The following CNTNAP2 variants were observed in gnomAD, a reference collection of about 807,000 sequenced individuals.
The protein encoded by CNTNAP2 is contactin-associated protein-like 2.
CNTNAP2 carries 98 observed loss-of-function variants against 155.2 expected under a neutral mutation model. The observed-to-expected ratio is 0.63, with a 90% CI of 0.54 to 0.75. The LOEUF is 0.75. Ranked by LOEUF, CNTNAP2 falls within the 30% of genes least tolerant of loss-of-function variation. CNTNAP2 has a pLI of 0.00. For synonymous variants in CNTNAP2, 651 were observed against 631.2 expected (o/e 1.03, Z -0.47); for missense variants, 1,727 against 1,688.1 (o/e 1.02, Z -0.40).
chr7:146,691,372 A>G (rs1047671930), intron 1 of CNTNAP2, among the ~76,000 whole-genome samples: 1 of 152,304 alleles, frequency 6.6e-6, no homozygotes, highest in African/African-American at 2.4e-5. Context: ...CCTAGCATGC[A>G]TCACAGCTTA....
chr7:148,250,146 G>A (rs774569797), intron 20 of CNTNAP2, among the ~76,000 whole-genome samples: 2 of 152,348 alleles, frequency 1.3e-5, no homozygotes, highest in Admixed American at 6.5e-5. Context: ...CTCTGCCTGA[G>A]TGTTCTTTCC....
intron 8 of CNTNAP2, among the ~76,000 whole-genome samples, chr7:147,136,118 C>CTAATTGTTAAT (rs1269902811): frequency 6.6e-6 from 1 of 151,630 alleles, no homozygotes; most frequent in Non-Finnish European, 1.5e-5. Flanking sequence ...GAACAATACT[C>CTAATTGTTAAT]AGTTGTCGTC....
At chr7:147,425,331 A>T (rs1203096328) in intron 10 of CNTNAP2, among the ~76,000 whole-genome samples, 4 of 151,528 alleles carry the variant, frequency 2.6e-5, no homozygotes, top group African/African-American at 9.7e-5. Flanking sequence ...AATAGAGAGG[A>T]TTTAAGTTGT....
chr7:146,925,498 C>T (rs755802185), intron 3 of CNTNAP2, among the ~76,000 whole-genome samples: 15 of 151,874 alleles, frequency 9.9e-5, no homozygotes, highest in African/African-American at 2.9e-4. Flanking sequence ...AATTTACCTA[C>T]GTTAAATTGA....
intron 4 of CNTNAP2, among the ~76,000 whole-genome samples, chr7:147,061,493 C>T (rs73467064): frequency 0.059 from 9,042 of 152,160 alleles, 696 homozygotes; most frequent in African/African-American, 0.18. Context: ...TAAGTCAATC[C>T]TGGTTTCATT....
intron 1 of CNTNAP2, among the ~76,000 whole-genome samples, chr7:146,245,275 C>A (rs1195395162): frequency 6.6e-6 from 1 of 152,054 alleles, no homozygotes; most frequent in Non-Finnish European, 1.5e-5. Context: ...AGATTGAAGT[C>A]CGGGCCAGGA....
intron 21 of CNTNAP2, among the ~76,000 whole-genome samples, chr7:148,317,479 T>G (rs1024338059): frequency 2.6e-5 from 4 of 152,160 alleles, no homozygotes; most frequent in African/African-American, 9.7e-5. Flanking sequence ...GGAGGGCTAC[T>G]TGAGGCCAGG....
At chr7:148,323,504 T>A (rs1797837371) in intron 21 of CNTNAP2, among the ~76,000 whole-genome samples, 1 of 151,954 alleles carries the variant, frequency 6.6e-6, no homozygotes, top group Non-Finnish European at 1.5e-5. Flanking sequence ...GTATAGAGTG[T>A]CTGGTTAATG....
intron 15 of CNTNAP2, among the ~76,000 whole-genome samples, chr7:148,031,839 G>A (rs1457903582): frequency 1.3e-5 from 2 of 152,118 alleles, no homozygotes; most frequent in African/African-American, 4.8e-5. Context: ...TACTGAGGAG[G>A]AGACTCAGTC....
At chr7:147,898,414 A>G (rs1799807372) in intron 13 of CNTNAP2, among the ~76,000 whole-genome samples, 1 of 152,190 alleles carries the variant, frequency 6.6e-6, no homozygotes, top group Non-Finnish European at 1.5e-5. Flanking sequence ...TGGTAACTTT[A>G]TGATTTTCCT....
intron 1 of CNTNAP2, among the ~76,000 whole-genome samples, chr7:146,216,959 C>T (rs913398405): frequency 2.0e-5 from 3 of 152,116 alleles, no homozygotes; most frequent in East Asian, 1.9e-4. Flanking sequence ...CTCATAAAAC[C>T]GGGTTATGCG....
At position 146,201,675 on chromosome 7, in the gene CNTNAP2, T is replaced by C. The variant is rs995617095; in HGVS notation, c.97+84702T>C. On this transcript the variant is annotated intron_variant, in intron 1 of 23. Coordinates refer to ENST00000361727, the MANE Select transcript of CNTNAP2 (RefSeq NM_014141.6). ...GTGTGTGTGTGTGTGTGTGTGTGTG[T>C]GAATCAGAAAAAAATATTTATTAAG... 3.6e-5 allele frequency among the ~76,000 whole-genome samples: 5 copies of C among 140,664 alleles called. No homozygotes were observed. The South Asian group carries it at 1.1e-3, about 32-fold the overall frequency. The allele number at this position is 140,664 out of a possible 152,430, so 92.3% of individuals were successfully genotyped here. A position where few individuals can be genotyped will look rare whatever the true frequency, so the allele number is the denominator to read the frequency against.
chr7:148,106,493 G>GATATATATATATATATATATATAT (rs10532740), intron 15 of CNTNAP2, among the ~76,000 whole-genome samples: 61 of 124,890 alleles, frequency 4.9e-4, no homozygotes, highest in African/African-American at 2.0e-3. Context: ...CACACTTTGA[G>GATATATATATATATATATATATAT]ATATATATAT....
At chr7:147,261,886 T>G (rs986585851) in intron 8 of CNTNAP2, among the ~76,000 whole-genome samples, 3 of 152,196 alleles carry the variant, frequency 2.0e-5, no homozygotes, top group Non-Finnish European at 4.4e-5. Flanking sequence ...GTAAAACTGG[T>G]TATTTGCTGA....
chr7:146,867,177 C>G (rs1268458235), intron 3 of CNTNAP2, among the ~76,000 whole-genome samples: 2 of 152,036 alleles, frequency 1.3e-5, no homozygotes, highest in Non-Finnish European at 2.9e-5. Context: ...TTCCAAACTT[C>G]TGTCCTCGAG....
chr7:146,212,779 G>A (rs1272363330), intron 1 of CNTNAP2, among the ~76,000 whole-genome samples: 3 of 152,062 alleles, frequency 2.0e-5, no homozygotes, highest in African/African-American at 7.2e-5. Flanking sequence ...TAGGGCATGG[G>A]GCCCTTATAG....
At chr7:147,746,263 T>C (rs1252462929) in intron 13 of CNTNAP2, among the ~76,000 whole-genome samples, 1 of 152,194 alleles carries the variant, frequency 6.6e-6, no homozygotes, top group African/African-American at 2.4e-5. Context: ...CTCTACTGAT[T>C]GAAAGATACC....
chr7:147,046,991 C>G (rs1799373271), intron 4 of CNTNAP2, among the ~76,000 whole-genome samples: 1 of 138,382 alleles, frequency 7.2e-6, no homozygotes, highest in Non-Finnish European at 1.5e-5. Context: ...AAGATTGCAC[C>G]ACTGTACTCC....
intron 13 of CNTNAP2, among the ~76,000 whole-genome samples, chr7:147,782,652 G>T (rs990570472): frequency 2.6e-5 from 4 of 152,062 alleles, no homozygotes; most frequent in South Asian, 2.1e-4. Context: ...CCTCTGAAAG[G>T]TCCCAACACT....
Sources: gnomAD v4.1 joint callset for allele counts (sites outside exome capture counted in the v4.1 genomes callset) on GRCh38, gnomAD v4.1.1 for gene constraint, MANE v1.5 for transcripts, NCBI Gene and HGNC (gene_info 2026-07-23, HGNC 2026-07-21) for gene names.